The following ITPR3 variants were observed in gnomAD, a reference collection of about 807,000 sequenced individuals.
ITPR3 encodes inositol 1,4,5-trisphosphate-gated calcium channel ITPR3.
In ITPR3, 173 loss-of-function variants were observed where a neutral mutation model predicts 293.2. That is an observed-to-expected ratio of 0.59 (90% CI 0.52 to 0.67). The LOEUF (loss-of-function observed/expected upper bound fraction) is 0.67, where lower values mean the gene tolerates loss of function less well. ITPR3 is among the 30% of genes least tolerant of loss of function. The pLI is 0.00. For synonymous variants in ITPR3, 1,295 were observed against 1,444.4 expected, an observed-to-expected ratio of 0.90 and a Z score of 2.35; for missense variants, 2,796 against 3,592.1, an observed-to-expected ratio of 0.78 and a Z score of 5.66.
chr6:33,659,929 T>C lies in ITPR3; in HGVS notation c.711+380T>C, dbSNP rs191237957. Among the ~76,000 whole-genome samples the C allele has an allele frequency of 5.3e-4, 80 of 152,262 alleles. No individual in the cohort carries two copies. In the East Asian group the frequency reaches 0.014, roughly 26 times the overall value. Reference sequence around the variant, plus strand: ...CCCCGCCCCTTGCCCTGTGCCCTCATTGGCAAGCGAGTGAGGCTGCCCTGT... The same window carrying C: ...CCCCGCCCCTTGCCCTGTGCCCTCACTGGCAAGCGAGTGAGGCTGCCCTGT... On this transcript the variant is annotated intron_variant, in intron 7 of 57. Coordinates refer to ENST00000605930, the MANE Select transcript of ITPR3 (RefSeq NM_002224.4).
At chr6:33,688,195 G>T in intron 47 of ITPR3, 28 bp downstream of exon 47, 1 of 1,613,908 alleles carries the variant, frequency 6.2e-7, no homozygotes, top group Non-Finnish European at 8.5e-7. Flanking sequence ...AGGGGCGGGC[G>T]TGGGAGCCTG....
rs1433747764 is a variant in ITPR3, at chr6:33,667,795, C to T, written c.1717C>T (p.His573Tyr). The change falls in exon 16 of 58, where the codon CAC becomes TAC. Residue 573 changes from histidine (H) to tyrosine (Y), a missense_variant. Around this residue, in one of 8 missense-constraint regions of ITPR3, gnomAD observed 955 missense variants for 1,180.8 expected, o/e 0.81. Coordinates refer to ENST00000605930, the MANE Select transcript of ITPR3 (RefSeq NM_002224.4). The surrounding 1 kb of genome is among the most constrained non-coding windows in gnomAD (Gnocchi z 4.4). ...CCCAGCCTGTCTGCCCCCCCAGGAGCACATTGCCAAGCAGTTTGGGATGAT... is the reference window on the plus strand; with the variant it reads ...CCCAGCCTGTCTGCCCCCCCAGGAGTACATTGCCAAGCAGTTTGGGATGAT... ...SQEDYRKNQE[H>Y]IAKQFGMMQS... is the part of the protein sequence containing the mutation. 6 of 1,614,040 alleles carry T rather than the reference C, an allele frequency of 3.7e-6. No individual in the cohort carries two copies. The highest frequency in any genetic ancestry group is 4.2e-6 in the Non-Finnish European group (5 of 1,179,942).
chr6:33,641,795 A>G (rs995596155), intron 2 of ITPR3, among the ~76,000 whole-genome samples: 2 of 151,942 alleles, frequency 1.3e-5, no homozygotes, highest in African/African-American at 4.8e-5. Flanking sequence ...CTTTCTCCAA[A>G]TATCCACGCA....
intron 13 of ITPR3, 139 bp downstream of exon 13, chr6:33,665,352 G>C: frequency 8.7e-7 from 1 of 1,155,386 alleles, no homozygotes; most frequent in Non-Finnish European, 1.2e-6. Flanking sequence ...GGCCCTGGCT[G>C]AGCCTGGGAC....
Position 33,685,415 on chromosome 6 carries a change from G to A in ITPR3, c.5364G>A (p.Val1788=). Residue 1788 remains valine, a synonymous_variant, in exon 40 of 58, where the codon GTG becomes GTA. Coordinates refer to ENST00000605930, the MANE Select transcript of ITPR3 (RefSeq NM_002224.4). ...AGAAGTCAGAGCGCTTCTTCAAGGT[G>A]CTGCACGACCGCATGAAGCGGGCCC... ...SDKKSERFFK[V]LHDRMKRAQQ... 6.2e-7 allele frequency: 1 copy of A among 1,614,182 alleles called. No individual in the cohort carries two copies. Among genetic ancestry groups the A allele is most frequent in the Non-Finnish European group, 8.5e-7 (1 of 1,180,020 alleles).
rs886711616 is a variant in ITPR3, at chr6:33,673,475, G to A, written c.2929-116G>A. The A allele has an allele frequency of 2.2e-6, 3 of 1,347,192 alleles. No individual in the cohort carries two copies. In the African/African-American group the frequency reaches 4.4e-5, roughly 20 times the overall value. 83.5% of individuals were successfully genotyped at this position (1,347,192 alleles called of 1,614,324 possible). ...TGTGCTGAGGACCCTGCTGCCCCAAGTGCTAGAGCCTATTTGGGGGCTCCC... is the reference window on the plus strand; with the variant it reads ...TGTGCTGAGGACCCTGCTGCCCCAAATGCTAGAGCCTATTTGGGGGCTCCC... On this transcript the variant is annotated intron_variant, in intron 22 of 57. Transcript: ENST00000605930.
chr6:33,674,604 C>T (rs775461094), intron 24 of ITPR3, among the ~76,000 whole-genome samples: 74 of 152,338 alleles, frequency 4.9e-4, no homozygotes, highest in Admixed American at 1.4e-3. Flanking sequence ...CCCATCCACC[C>T]GAAGCCCTGA....
intron 57 of ITPR3, chr6:33,695,293 A>G (rs1765512699): frequency 1.6e-6 from 1 of 607,878 alleles, no homozygotes; most frequent in Non-Finnish European, 2.9e-6. Flanking sequence ...AGACAAGGCC[A>G]AGTGGAAACT....
chr6:33,669,634 G>T (rs938920411), intron 18 of ITPR3, among the ~76,000 whole-genome samples: 2 of 152,188 alleles, frequency 1.3e-5, no homozygotes, highest in African/African-American at 4.8e-5. Context: ...CTCTTTAGAC[G>T]CCCTTCTTAC....
Position 33,665,810 on chromosome 6 carries a change from G to A in ITPR3, c.1410-25G>A, listed in dbSNP as rs781576206. 10 of 1,612,630 alleles carry A rather than the reference G, an allele frequency of 6.2e-6. No individual in the cohort carries two copies. The African/African-American group carries it at 6.7e-5, about 11-fold the overall frequency. On this transcript the variant is annotated intron_variant, in intron 13 of 57. Coordinates refer to ENST00000605930, the MANE Select transcript of ITPR3 (RefSeq NM_002224.4). The stretch of plus-strand genomic sequence containing the variant: ...CCTGCTGGGTGGGTATCTCACACTC[G>A]TCATCCCCGGGTCCCCTCACCCAGG...
chr6:33,621,981 C>T lies in ITPR3; in HGVS notation c.89+290C>T, dbSNP rs946957185. 8.5e-5 allele frequency among the ~76,000 whole-genome samples: 13 copies of T among 152,156 alleles called. No individual in the cohort carries two copies. The highest frequency in any genetic ancestry group is 2.9e-4 in the African/African-American group (12 of 41,436). On this transcript the variant is annotated intron_variant, in intron 1 of 57. Transcript: ENST00000605930. This position sits in a 1 kb window ranked among gnomAD's most constrained non-coding sequence, Gnocchi z 7.7. ...GGCGGAGGGACGGAGGCTTCCTTTGCAGGTGGTCCCGGGGGCGGGCAGGTG... is the reference window on the plus strand; with the variant it reads ...GGCGGAGGGACGGAGGCTTCCTTTGTAGGTGGTCCCGGGGGCGGGCAGGTG...
intron 50 of ITPR3, 41 bp from the exon 51 acceptor site, chr6:33,689,993 G>A (rs1217536746): frequency 2.5e-6 from 4 of 1,611,586 alleles, no homozygotes; most frequent in Admixed American, 1.7e-5. Flanking sequence ...TTCAGCATAG[G>A]TGGTAGGGTG....
rs200526442 is a variant in ITPR3 at position 33,670,455 on chromosome 6, C to T, written c.2320C>T (p.Arg774Cys). 1.6e-5 allele frequency: 26 copies of T among 1,614,068 alleles called. No homozygotes were observed. The highest frequency in any genetic ancestry group is 1.1e-4 in the East Asian group (5 of 44,864). The change falls in exon 19 of 58, where the codon CGC becomes TGC. Residue 774 changes from arginine (R) to cysteine (C), a missense_variant. Transcript: ENST00000605930. The surrounding 1 kb of genome is among the most constrained non-coding windows in gnomAD (Gnocchi z 6.7). ...MADEMLPFDL[R>C]ASFCHLMLHV... ...AGACGAGATGCTGCCCTTTGACCTG[C>T]GCGCCTCCTTCTGCCACCTGATGCT...
chr6:33,673,001 C>T (rs980864449), intron 22 of ITPR3, among the ~76,000 whole-genome samples: 4 of 152,148 alleles, frequency 2.6e-5, no homozygotes, highest in Non-Finnish European at 5.9e-5. Flanking sequence ...CTCTGGCGGT[C>T]AGAGTGGAGG....
intron 56 of ITPR3, chr6:33,694,479 G>C: frequency 4.5e-6 from 1 of 223,648 alleles, no homozygotes; most frequent in Non-Finnish European, 8.9e-6. Flanking sequence ...TCTCCTCAGC[G>C]GAGCCTCCTG....
rs973749492 is a variant in ITPR3 at position 33,686,402 on chromosome 6, C to T, written c.5869-7C>T. 1.2e-6 allele frequency: 2 copies of T among 1,613,046 alleles called. No homozygotes were observed. The highest frequency in any genetic ancestry group is 1.7e-6 in the Non-Finnish European group (2 of 1,178,976). On this transcript the variant is annotated splice_region_variant and splice_polypyrimidine_tract_variant and intron_variant, in intron 42 of 57. Coordinates refer to ENST00000605930, the MANE Select transcript of ITPR3 (RefSeq NM_002224.4). ...TGGGCCCTGTGTCCCCCACTGCCTC[C>T]TGCCAGACTTGCATTGTGACTCACG...
intron 23 of ITPR3, 45 bp from the exon 24 acceptor site, chr6:33,674,163 C>T (rs763205403): frequency 1.5e-5 from 24 of 1,609,788 alleles, no homozygotes; most frequent in Admixed American, 1.7e-5. Flanking sequence ...CCCTCTTTCC[C>T]GGGCTGGGCC....
At chr6:33,631,633 A>G (rs1313313942) in intron 1 of ITPR3, among the ~76,000 whole-genome samples, 5 of 152,194 alleles carry the variant, frequency 3.3e-5, no homozygotes, top group African/African-American at 1.2e-4. Flanking sequence ...CACCACAGGG[A>G]AGGGTTTAAG....
intron 16 of ITPR3, 98 bp from the exon 17 acceptor site, chr6:33,668,417 G>A (rs756076719): frequency 1.3e-5 from 20 of 1,499,440 alleles, no homozygotes; most frequent in Non-Finnish European, 1.7e-5. Context: ...GTTCCAGGGT[G>A]GCGGTGCTGC....
Sources: allele counts gnomAD v4.1 joint callset (sites outside exome capture counted in the v4.1 genomes callset), GRCh38; gene constraint gnomAD v4.1.1; regional missense constraint gnomAD v4.1.1; non-coding constraint Gnocchi (gnomAD v3.1); transcripts MANE v1.5; gene names NCBI Gene and HGNC (gene_info 2026-07-23, HGNC 2026-07-21).